CNTNAP5: variants seen among roughly 807,000 people sequenced by gnomAD.
CNTNAP5 encodes the protein contactin-associated protein-like 5.
In CNTNAP5, 72 loss-of-function variants were observed where a neutral mutation model predicts 150.2. The observed-to-expected ratio is 0.48, with a 90% CI of 0.40 to 0.58. CNTNAP5 has a LOEUF of 0.58. Among genes scored for constraint, CNTNAP5 ranks in the 20% least tolerant of loss-of-function variants. CNTNAP5 has a pLI of 0.00. For missense variants in CNTNAP5, 1,636 were observed against 1,626.2 expected, an observed-to-expected ratio of 1.01 and a Z score of -0.10; for synonymous variants, 672 against 619.8, an observed-to-expected ratio of 1.08 and a Z score of -1.25.
chr2:124,056,709 A>G (rs1681856479), intron 1 of CNTNAP5, among the ~76,000 whole-genome samples: 1 of 152,210 alleles, frequency 6.6e-6, no homozygotes. Flanking sequence ...CCATGTGGTC[A>G]TGATGAGAAT....
chr2:124,257,992 AT>A (rs769621553), intron 3 of CNTNAP5, among the ~76,000 whole-genome samples: 1 of 152,118 alleles, frequency 6.6e-6, no homozygotes, highest in African/African-American at 2.4e-5. Context: ...TTTGCTGGGG[AT>A]TATCTTTCGC....
chr2:124,200,202 A>G (rs13389404), intron 1 of CNTNAP5, among the ~76,000 whole-genome samples: 46,498 of 152,080 alleles, frequency 0.31, 7,264 homozygotes, highest in South Asian at 0.47. Context: ...CATCTATTGA[A>G]CTAATCATAT....
At chr2:124,334,886 A>G (rs1355653907) in intron 3 of CNTNAP5, among the ~76,000 whole-genome samples, 1 of 152,112 alleles carries the variant, frequency 6.6e-6, no homozygotes, top group Non-Finnish European at 1.5e-5. Context: ...ATCGACAATT[A>G]GGATCTCCGA....
At chr2:124,888,428 G>A (rs1678125655) in intron 21 of CNTNAP5, among the ~76,000 whole-genome samples, 1 of 151,982 alleles carries the variant, frequency 6.6e-6, no homozygotes, top group Non-Finnish European at 1.5e-5. Context: ...GTGTCTTTTT[G>A]GTAAAACAAT....
chr2:124,541,035 C>T (rs1695369503), intron 10 of CNTNAP5, among the ~76,000 whole-genome samples: 1 of 152,040 alleles, frequency 6.6e-6, no homozygotes, highest in Non-Finnish European at 1.5e-5. Flanking sequence ...AAACTTTTCT[C>T]AGTCAGTTTC....
At position 124,918,363 on chromosome 2, in the gene CNTNAP5, C is replaced by A. The variant is rs559212321; in HGVS notation, c.*4075C>A. Among the ~76,000 whole-genome samples, 41 of 152,148 alleles carry A rather than the reference C, an allele frequency of 2.7e-4. No homozygotes were observed. Among genetic ancestry groups the A allele is most frequent in the African/African-American group, 8.7e-4 (36 of 41,538 alleles). ...CATTTCTGAACCTAACTGAAGTCTA[C>A]CCTTCCATCAGTAATTGACTAAAAA... On this transcript the variant is annotated 3_prime_UTR_variant, in exon 24 of 24. Coordinates refer to ENST00000682447, the MANE Select transcript of CNTNAP5 (RefSeq NM_001367498.1).
At chr2:124,222,925 G>A (rs1369894826) in intron 2 of CNTNAP5, among the ~76,000 whole-genome samples, 1 of 152,018 alleles carries the variant, frequency 6.6e-6, no homozygotes, top group Non-Finnish European at 1.5e-5. Flanking sequence ...CTGGTTTGTT[G>A]AGAAAGCTGT....
intron 17 of CNTNAP5, among the ~76,000 whole-genome samples, chr2:124,783,167 G>C (rs549978974): frequency 6.6e-6 from 1 of 152,112 alleles, no homozygotes; most frequent in Non-Finnish European, 1.5e-5. Flanking sequence ...TTTTGTTCTG[G>C]TTGCTAGTTA....
At chr2:124,384,920 G>T (rs1309115404) in intron 3 of CNTNAP5, among the ~76,000 whole-genome samples, 1 of 152,166 alleles carries the variant, frequency 6.6e-6, no homozygotes, top group Non-Finnish European at 1.5e-5. Context: ...AAGTGAGAGT[G>T]CAGACAGGTT....
chr2:124,339,499 AGG>A lies in CNTNAP5; in HGVS notation c.382-77942_382-77941del, dbSNP rs1689556738. 2.6e-5 allele frequency among the ~76,000 whole-genome samples: 4 copies of A among 152,310 alleles called. No individual in the cohort carries two copies. The South Asian group carries it at 6.2e-4, about 24-fold the overall frequency. ...ATGATATGGTAAACTGGGCCTTGTA[AGG>A]GCAAAGGGAATTGTTTCCTTCCCCT... On this transcript the variant is annotated intron_variant, in intron 3 of 23. Coordinates refer to ENST00000682447, the MANE Select transcript of CNTNAP5 (RefSeq NM_001367498.1).
intron 5 of CNTNAP5, among the ~76,000 whole-genome samples, chr2:124,434,987 A>T (rs926884246): frequency 6.6e-6 from 1 of 152,198 alleles, no homozygotes; most frequent in South Asian, 2.1e-4. Context: ...AAGTATATAC[A>T]CATATTATAA....
chr2:124,062,924 G>A (rs1464509981), intron 1 of CNTNAP5, among the ~76,000 whole-genome samples: 1 of 152,006 alleles, frequency 6.6e-6, no homozygotes, highest in Non-Finnish European at 1.5e-5. Flanking sequence ...GTAGAGTCTG[G>A]GAGAGTATAT....
intron 13 of CNTNAP5, among the ~76,000 whole-genome samples, chr2:124,687,856 T>G (rs1306406446): frequency 6.6e-6 from 1 of 152,140 alleles, no homozygotes; most frequent in Admixed American, 6.6e-5. Flanking sequence ...TTTAATAGAT[T>G]AAATTTGCCC....
chr2:124,096,243 C>T (rs1035249932), intron 1 of CNTNAP5, among the ~76,000 whole-genome samples: 3 of 152,134 alleles, frequency 2.0e-5, no homozygotes, highest in African/African-American at 7.2e-5. Flanking sequence ...AGATGAATAA[C>T]CTACTCTATT....
At chr2:124,271,084 T>C (rs1051082473) in intron 3 of CNTNAP5, among the ~76,000 whole-genome samples, 3 of 151,986 alleles carry the variant, frequency 2.0e-5, no homozygotes, top group African/African-American at 7.3e-5. Context: ...TCTCCTACTG[T>C]GCTATACCTA....
chr2:124,768,176 G>A (rs1224009989), intron 16 of CNTNAP5, among the ~76,000 whole-genome samples: 1 of 152,000 alleles, frequency 6.6e-6, no homozygotes, highest in Admixed American at 6.6e-5. Flanking sequence ...TAAGGCAGTT[G>A]TCAGAACTGA....
chr2:124,699,529 G>T (rs1679475360), intron 13 of CNTNAP5, among the ~76,000 whole-genome samples: 1 of 152,168 alleles, frequency 6.6e-6, no homozygotes, highest in South Asian at 2.1e-4. Context: ...AACAGGCTGT[G>T]CTGGGAAATG....
At chr2:124,913,878 C>T (rs1294152144) in intron 23 of CNTNAP5, among the ~76,000 whole-genome samples, 1 of 151,986 alleles carries the variant, frequency 6.6e-6, no homozygotes, top group East Asian at 1.9e-4. Flanking sequence ...GTCTCTCGCC[C>T]CCAGTTAGTC....
At chr2:124,236,110 C>T (rs1435075631) in intron 2 of CNTNAP5, among the ~76,000 whole-genome samples, 1 of 152,088 alleles carries the variant, frequency 6.6e-6, no homozygotes, top group Non-Finnish European at 1.5e-5. Context: ...GGATTACAGG[C>T]ACACATCACC....
Sources: allele counts gnomAD v4.1 joint callset (sites outside exome capture counted in the v4.1 genomes callset), GRCh38; gene constraint gnomAD v4.1.1; transcripts MANE v1.5; gene names NCBI Gene and HGNC (gene_info 2026-07-23, HGNC 2026-07-21).